The following GPR35 variants were observed in gnomAD, a reference collection of about 807,000 sequenced individuals.
The protein encoded by GPR35 is KYNA receptor.
For missense variants in GPR35, 372 were observed against 422.5 expected, an observed-to-expected ratio of 0.88 and a Z score of 1.05; for synonymous variants, 207 against 198.4, an observed-to-expected ratio of 1.04 and a Z score of -0.36.
At chr2:240,621,182 G>T (rs1003350105), upstream of GPR35, among the ~76,000 whole-genome samples, 1 of 152,250 alleles carries the variant, frequency 6.6e-6, no homozygotes, top group African/African-American at 2.4e-5. Context: ...GGCCTCGGGG[G>T]CACAGCGCTT....
intron 5 of GPR35, chr2:240,619,038 A>T: frequency 1.4e-6 from 1 of 701,850 alleles, no homozygotes; most frequent in Non-Finnish European, 2.6e-6. Flanking sequence ...CTCTGTGAGT[A>T]CATTCCTAGA....
At chr2:240,622,754 G>A (rs920733380), upstream of GPR35, among the ~76,000 whole-genome samples, 7 of 152,188 alleles carry the variant, frequency 4.6e-5, no homozygotes, top group Non-Finnish European at 7.3e-5. Flanking sequence ...ACAGCCCAGC[G>A]GGGTGAAGTG....
upstream of GPR35, among the ~76,000 whole-genome samples, chr2:240,624,839 C>A (rs1173984386): frequency 6.6e-6 from 1 of 151,972 alleles, no homozygotes; most frequent in Admixed American, 6.6e-5. Flanking sequence ...ATATTCTAGA[C>A]CAGATAGGGG....
intron 2 of GPR35, among the ~76,000 whole-genome samples, chr2:240,614,808 G>A (rs1373498257): frequency 6.6e-6 from 1 of 152,212 alleles, no homozygotes; most frequent in African/African-American, 2.4e-5. Context: ...CAGAGTGTGT[G>A]TGTATGTGCA....
chr2:240,619,762 C>T (rs1003139230), intron 5 of GPR35, among the ~76,000 whole-genome samples: 1 of 152,204 alleles, frequency 6.6e-6, no homozygotes, highest in African/African-American at 2.4e-5. Flanking sequence ...GGAGGTCTCC[C>T]CAGAGTGGAG....
chr2:240,627,626 G>GTCTT (rs1559439314), intron 1 of GPR35: 1 of 66,100 alleles, frequency 1.5e-5, no homozygotes, highest in East Asian at 1.2e-3. Flanking sequence ...CTAATTTTCT[G>GTCTT]TCTTTTTTTT....
Position 240,630,380 on chromosome 2 carries a change from T to G in GPR35, c.428T>G (p.Leu143Arg), listed in dbSNP as rs1408747032. 1 of 1,610,364 alleles carries G rather than the reference T, an allele frequency of 6.2e-7. No individual in the cohort carries two copies. The highest frequency in any genetic ancestry group is 8.5e-7 in the Non-Finnish European group (1 of 1,179,872). ...GCCGTGTGCGCGGTCCTCTGGGTGC[T>G]GGTCATCGGCTCCCTGGTGGCTCGC... Reference protein sequence around the residue: ...AAAVCAVLWVLVIGSLVARWL... With the variant: ...AAAVCAVLWVRVIGSLVARWL... Residue 143 changes from leucine (L) to arginine (R), a missense_variant, in exon 2 of 2, where the codon CTG (leucine) becomes CGG (arginine). Coordinates refer to ENST00000407714, the MANE Select transcript of GPR35 (RefSeq NM_005301.5).
exon 4 of GPR35, chr2:240,617,254 A>G (rs563015252): frequency 1.1e-5 from 8 of 700,084 alleles, no homozygotes; most frequent in Admixed American, 6.3e-5. Flanking sequence ...CCTTCTGATG[A>G]GACTGCAGCC....
At chr2:240,628,117 C>CCT (rs1373320206) in intron 1 of GPR35, 1 of 152,286 alleles carries the variant, frequency 6.6e-6, no homozygotes, top group Non-Finnish European at 1.5e-5. Flanking sequence ...CGCACGGAGC[C>CCT]CTCCCCAACG....
At chr2:240,614,128 ACACTAACCCTAGCCAAAACCCTAG>A (rs1386054862) in intron 2 of GPR35, among the ~76,000 whole-genome samples, 3 of 152,042 alleles carry the variant, frequency 2.0e-5, no homozygotes, top group African/African-American at 7.2e-5. Flanking sequence ...CCTAACCCTA[ACACTAACCCTAGCCAAAACCCTAG>A]CACTAACCCT....
chr2:240,607,895 T>C (rs2975770), intron 2 of GPR35, among the ~76,000 whole-genome samples: 12,171 of 151,910 alleles, frequency 0.08, 656 homozygotes, highest in South Asian at 0.14. Context: ...TTCTTCTCTT[T>C]TTTGTTTTTA....
exon 4 of GPR35, chr2:240,617,115 C>A: frequency 1.5e-6 from 1 of 673,564 alleles, no homozygotes; most frequent in Non-Finnish European, 2.7e-6. Context: ...GGAAGTGAAT[C>A]TCCTCGTAGC....
exon 4 of GPR35, chr2:240,617,231 C>T (rs2043248501): frequency 3.1e-6 from 2 of 643,732 alleles, no homozygotes; most frequent in Admixed American, 5.7e-5. Context: ...AAGTGAATCT[C>T]CTCGTAGCTG....
upstream of GPR35, among the ~76,000 whole-genome samples, chr2:240,620,949 C>T (rs999446300): frequency 3.9e-5 from 6 of 152,224 alleles, no homozygotes; most frequent in Admixed American, 1.3e-4. Flanking sequence ...ACAGTGACAC[C>T]GCCAGGCTTT....
chr2:240,616,868 G>A (rs892855898), intron 3 of GPR35: 4 of 725,908 alleles, frequency 5.5e-6, no homozygotes, highest in Non-Finnish European at 2.6e-6. Flanking sequence ...GCCATGCTGT[G>A]TGCTGCCCTG....
upstream of GPR35, among the ~76,000 whole-genome samples, chr2:240,621,336 C>T (rs1184139736): frequency 6.6e-6 from 1 of 152,130 alleles, no homozygotes; most frequent in Non-Finnish European, 1.5e-5. Context: ...CTCACCACAA[C>T]CTCCGCCTCC....
At chr2:240,613,925 C>A (rs895868193) in intron 2 of GPR35, among the ~76,000 whole-genome samples, 1 of 151,920 alleles carries the variant, frequency 6.6e-6, no homozygotes, top group Non-Finnish European at 1.5e-5. Context: ...ACAACCATAA[C>A]CCTAACCGAA....
At chr2:240,613,637 T>C in intron 2 of GPR35, among the ~76,000 whole-genome samples, 1 of 151,450 alleles carries the variant, frequency 6.6e-6, no homozygotes, top group East Asian at 1.9e-4. Context: ...TAACGAAAAC[T>C]CTAACCCTAA....
At chr2:240,624,469 G>A (rs951027956), upstream of GPR35, among the ~76,000 whole-genome samples, 7 of 152,204 alleles carry the variant, frequency 4.6e-5, no homozygotes, top group South Asian at 4.1e-4. Flanking sequence ...GCTTCCTCAC[G>A]TGCCTCTGGG....
Sources: allele counts gnomAD v4.1 joint callset (sites outside exome capture counted in the v4.1 genomes callset), GRCh38; gene constraint gnomAD v4.1.1; transcripts MANE v1.5; gene names NCBI Gene and HGNC (gene_info 2026-07-23, HGNC 2026-07-21).